DLGAP1: variants seen among roughly 807,000 people sequenced by gnomAD.
The protein encoded by DLGAP1 is DLG associated protein 1, also known as disks large-associated protein 1.
DLGAP1 carries 11 observed loss-of-function variants against 90.8 expected under a neutral mutation model. The ratio of observed to expected loss-of-function variants is 0.12; its 90% CI spans 0.08 to 0.20. DLGAP1 has a LOEUF of 0.20. DLGAP1 is among the 10% of genes least tolerant of loss of function. The probability of loss-of-function intolerance (pLI) is 1.00; values close to 1 mark genes in which losing one functional copy is unlikely to be tolerated. For synonymous variants in DLGAP1, 558 were observed against 540.7 expected, an observed-to-expected ratio of 1.03 and a Z score of -0.44; for missense variants, 1,050 against 1,333.8, an observed-to-expected ratio of 0.79 and a Z score of 3.31.
rs183562424 is a variant in DLGAP1, at chr18:4,242,405, A to G, written c.-266-91118T>C. On this transcript the variant is annotated intron_variant, in intron 1 of 12. Transcript: ENST00000315677. ...GTGGGTGCTAGAAAGTCCGCCCAGA[A>G]TTCTGGCACATGGATCTGAAATGAA... Among the ~76,000 whole-genome samples the G allele has an allele frequency of 2.6e-4, 39 of 152,206 alleles. No homozygotes were observed. In the East Asian group the frequency reaches 7.4e-3, roughly 29 times the overall value.
intron 3 of DLGAP1, among the ~76,000 whole-genome samples, chr18:3,900,830 T>C (rs1599135132): frequency 6.6e-6 from 1 of 152,096 alleles, no homozygotes; most frequent in East Asian, 1.9e-4. Context: ...CGGGTACTGA[T>C]AACAAAAAGG....
intron 4 of DLGAP1, among the ~76,000 whole-genome samples, chr18:3,868,044 G>A (rs1188687721): frequency 1.3e-5 from 2 of 152,104 alleles, no homozygotes; most frequent in African/African-American, 4.8e-5. Context: ...TAGTGGATTC[G>A]TTTCACCTCC....
At chr18:4,370,102 G>A (rs1340699722) in intron 1 of DLGAP1, among the ~76,000 whole-genome samples, 3 of 152,152 alleles carry the variant, frequency 2.0e-5, no homozygotes, top group Non-Finnish European at 2.9e-5. Context: ...AGGTAATAAG[G>A]CTATAGGTGA....
chr18:3,547,207 A>T (rs1381659295), intron 9 of DLGAP1, among the ~76,000 whole-genome samples: 1 of 149,874 alleles, frequency 6.7e-6, no homozygotes, highest in Non-Finnish European at 1.5e-5. Flanking sequence ...AGGCTGAGGC[A>T]GGAGAATGGC....
At chr18:4,221,431 A>T (rs1310581475) in intron 1 of DLGAP1, among the ~76,000 whole-genome samples, 1 of 152,090 alleles carries the variant, frequency 6.6e-6, no homozygotes, top group Non-Finnish European at 1.5e-5. Flanking sequence ...CCTCACTGAC[A>T]TCAGGTTTGG....
chr18:3,554,385 C>T (rs993695013), intron 9 of DLGAP1, among the ~76,000 whole-genome samples: 3 of 152,156 alleles, frequency 2.0e-5, no homozygotes, highest in African/African-American at 7.2e-5. Context: ...TGGGGGAAAA[C>T]AGCTAATGTT....
chr18:3,754,386 A>T (rs1343799915), intron 5 of DLGAP1, among the ~76,000 whole-genome samples: 2 of 152,122 alleles, frequency 1.3e-5, no homozygotes, highest in Non-Finnish European at 2.9e-5. Flanking sequence ...GTATGGGTCC[A>T]CTTGAGCACT....
intron 7 of DLGAP1, among the ~76,000 whole-genome samples, chr18:3,619,728 CTTTTAGTTTTTTCCTTTTT>C (rs1464633477): frequency 9.7e-6 from 1 of 103,130 alleles, no homozygotes; most frequent in Non-Finnish European, 1.9e-5. Flanking sequence ...TCCTGATGCT[CTTTTAGTTTTTTCCTTTTT>C]TTTTTTTTTT....
chr18:3,977,434 G>GTGTTTTT (rs1555718019), intron 3 of DLGAP1, among the ~76,000 whole-genome samples: 2 of 95,332 alleles, frequency 2.1e-5, no homozygotes, highest in African/African-American at 8.4e-5. Context: ...TTTATTCTGT[G>GTGTTTTT]TTTTTTTTTT....
At chr18:4,236,834 GTC>G (rs1460367644) in intron 1 of DLGAP1, among the ~76,000 whole-genome samples, 1 of 152,060 alleles carries the variant, frequency 6.6e-6, no homozygotes, top group Non-Finnish European at 1.5e-5. Context: ...TTGCATATAG[GTC>G]TTCTATTCTT....
Position 4,142,481 on chromosome 18 carries a change from A to G in DLGAP1, c.-159+8699T>C, listed in dbSNP as rs1198666665. Among the ~76,000 whole-genome samples the G allele has an allele frequency of 2.0e-5, 3 of 152,172 alleles. No homozygotes were observed. In the East Asian group the frequency reaches 5.8e-4, roughly 29 times the overall value. The stretch of plus-strand genomic sequence containing the variant: ...GTAAGATTCTCATCTTGATAGTGAT[A>G]GGTCTCTGAGACATGAAAAATAAAC... On this transcript the variant is annotated intron_variant, in intron 2 of 12. Transcript: ENST00000315677.
chr18:3,862,301 C>A (rs750164913), intron 4 of DLGAP1, among the ~76,000 whole-genome samples: 2 of 152,226 alleles, frequency 1.3e-5, no homozygotes, highest in African/African-American at 4.8e-5. Context: ...CTGCCATATC[C>A]ATCTGCACCC....
intron 1 of DLGAP1, among the ~76,000 whole-genome samples, chr18:4,370,996 G>A (rs550154440): frequency 9.2e-5 from 14 of 152,216 alleles, no homozygotes; most frequent in East Asian, 1.9e-4. Flanking sequence ...TAGTGCAGGC[G>A]TGTACGCATG....
intron 11 of DLGAP1, among the ~76,000 whole-genome samples, chr18:3,506,513 C>CAAAAAAAAAAAAA (rs11316330): frequency 1.4e-5 from 1 of 69,624 alleles, no homozygotes; most frequent in African/African-American, 5.6e-5. Context: ...GACTCCGTCT[C>CAAAAAAAAAAAAA]AAAAAAAAAA....
At chr18:3,692,899 T>C (rs1221954145) in intron 7 of DLGAP1, among the ~76,000 whole-genome samples, 1 of 152,172 alleles carries the variant, frequency 6.6e-6, no homozygotes, top group Non-Finnish European at 1.5e-5. Context: ...CCTAGGTTAG[T>C]AATTCTGGAC....
intron 7 of DLGAP1, among the ~76,000 whole-genome samples, chr18:3,620,376 C>T (rs1250850951): frequency 2.0e-5 from 3 of 151,998 alleles, no homozygotes; most frequent in South Asian, 4.1e-4. Flanking sequence ...ATGCCCTCCA[C>T]AAGGAAAAGC....
At chr18:3,726,454 T>TGAGAGA (rs35741226) in intron 7 of DLGAP1, among the ~76,000 whole-genome samples, 5 of 149,304 alleles carry the variant, frequency 3.3e-5, no homozygotes, top group African/African-American at 1.2e-4. Context: ...GGTGTGTGTG[T>TGAGAGA]GAGAGAGAGA....
chr18:3,813,944 A>T (rs1049039927), intron 5 of DLGAP1, 115 bp downstream of exon 5: 4 of 987,368 alleles, frequency 4.1e-6, no homozygotes, highest in Non-Finnish European at 6.3e-6. Flanking sequence ...AATGTACTGC[A>T]CTGCTCCACC....
At chr18:3,808,784 C>T (rs1292827677) in intron 5 of DLGAP1, among the ~76,000 whole-genome samples, 1 of 151,744 alleles carries the variant, frequency 6.6e-6, no homozygotes, top group Non-Finnish European at 1.5e-5. Context: ...ACAGCATGTC[C>T]AGGAGGAGAA....
Sources: gnomAD v4.1 joint callset for allele counts (sites outside exome capture counted in the v4.1 genomes callset) on GRCh38, gnomAD v4.1.1 for gene constraint, MANE v1.5 for transcripts, NCBI Gene and HGNC (gene_info 2026-07-23, HGNC 2026-07-21) for gene names.